Variants in SETDB2 observed in about 807,000 individuals in gnomAD.
SETDB2 encodes histone-lysine N-methyltransferase SETDB2.
SETDB2 carries 56 observed loss-of-function variants against 82.5 expected under a neutral mutation model. That is an observed-to-expected ratio of 0.68 (90% CI 0.55 to 0.85). The LOEUF is 0.85. SETDB2 is among the 40% of genes least tolerant of loss of function. The pLI, the probability that SETDB2 is intolerant of heterozygous loss-of-function variation, is 0.00. For missense variants in SETDB2, 677 were observed against 816.4 expected (o/e 0.83, Z 2.08); for synonymous variants, 272 against 284.9 (o/e 0.95, Z 0.46).
intron 2 of SETDB2, 113 bp from the exon 3 acceptor site, chr13:49,459,994 A>G: frequency 9.8e-7 from 1 of 1,018,538 alleles, no homozygotes; most frequent in Non-Finnish European, 1.4e-6. Flanking sequence ...ATGATAGACC[A>G]GATGAGTCTT....
chr13:49,491,880 G>A lies in SETDB2; in HGVS notation c.*31G>A. ...TAACTAACGCCTGTTTGTGAAATTA[G>A]CTTATCAGGCTGAAATTAAAGCCAT... is the stretch of plus-strand genomic sequence containing the variant. On this transcript the variant is annotated 3_prime_UTR_variant, in exon 14 of 14. Transcript: ENST00000611815. The A allele has an allele frequency of 7.0e-7, 1 of 1,434,112 alleles. No individual in the cohort carries two copies. The allele number at this position is 1,434,112 out of a possible 1,614,324, so 88.8% of individuals were successfully genotyped here.
intron 5 of SETDB2, among the ~76,000 whole-genome samples, chr13:49,469,590 T>C (rs1047457504): frequency 3.3e-5 from 5 of 152,178 alleles, no homozygotes; most frequent in African/African-American, 1.2e-4. Context: ...CTAACCTTTC[T>C]ATATTTTCTG....
intron 11 of SETDB2, among the ~76,000 whole-genome samples, chr13:49,486,651 C>T (rs1347019219): frequency 3.3e-5 from 5 of 152,234 alleles, no homozygotes; most frequent in Non-Finnish European, 7.3e-5. Flanking sequence ...CCTGCAATTG[C>T]CTAGCCAATA....
rs1429959082 is a variant in SETDB2, at chr13:49,484,701, C to T, written c.1483-929C>T. Among the ~76,000 whole-genome samples, 7 of 152,234 alleles carry T rather than the reference C, an allele frequency of 4.6e-5. No individual in the cohort carries two copies. The South Asian group carries it at 8.3e-4, about 18-fold the overall frequency. On this transcript the variant is annotated intron_variant, in intron 10 of 13. Transcript: ENST00000611815. The stretch of plus-strand genomic sequence containing the variant: ...ACTAAAGATTAGTCAGAGACTGAAA[C>T]GTAGAAGCAGAGAAAGAGAAAAGAG...
chr13:49,482,313 A>C, intron 8 of SETDB2: 1 of 985,388 alleles, frequency 1.0e-6, no homozygotes, highest in Non-Finnish European at 1.2e-6. Flanking sequence ...ATATGACAAC[A>C]CTAAGAACAT....
intron 4 of SETDB2, among the ~76,000 whole-genome samples, chr13:49,463,165 C>T (rs1407433723): frequency 2.2e-5 from 2 of 92,796 alleles, no homozygotes; most frequent in East Asian, 7.7e-4. Context: ...GCCGCCACAC[C>T]CGGTGATTTT....
chr13:49,467,734 A>T (rs1278468033), intron 4 of SETDB2, 130 bp from the exon 5 acceptor site: 5 of 493,376 alleles, frequency 1.0e-5, no homozygotes, highest in Non-Finnish European at 1.7e-5. Flanking sequence ...CAATCTTGAA[A>T]CCTTACTATG....
In SETDB2 at chr13:49,482,908, C is replaced by G. The variant is rs537458561; in HGVS notation, c.1328C>G (p.Ala443Gly). Reference sequence around the variant, plus strand: ...GGATTGGAAACACATCCTAGAACTGCTAAAACTGAGAAATGTCCACCAAAG... The same window carrying G: ...GGATTGGAAACACATCCTAGAACTGGTAAAACTGAGAAATGTCCACCAAAG... ...PLGLETHPRT[A>G]KTEKCPPKFS... The change falls in exon 9 of 14, where the codon GCT becomes GGT. Residue 443 changes from alanine (A) to glycine (G), a missense_variant. Ala to Gly is a moderately conservative substitution (Grantham distance 60). Coordinates refer to ENST00000611815, the MANE Select transcript of SETDB2 (RefSeq NM_001160308.3). 1,927 of 1,613,260 alleles carry G rather than the reference C, an allele frequency of 1.2e-3. 39 individuals are homozygous for G. The South Asian group carries it at 0.02, about 17-fold the overall frequency.
At position 49,480,990 on chromosome 13, in the gene SETDB2, T is replaced by C; in HGVS notation, c.1030T>C (p.Cys344Arg). The C allele has an allele frequency of 6.2e-7, 1 of 1,614,190 alleles. No individual in the cohort carries two copies. Among genetic ancestry groups the C allele is most frequent in the Non-Finnish European group, 8.5e-7 (1 of 1,179,996 alleles). Residue 344 changes from cysteine (C) to arginine (R), a missense_variant, in exon 8 of 14, where the codon TGT (cysteine) becomes CGT (arginine). Transcript: ENST00000611815. Reference sequence around the variant, plus strand: ...TTTGTGCAAATGTAATCGACAATTGTGTCAAAACCGAGTTGTCCAACATGG... The same window carrying C: ...TTTGTGCAAATGTAATCGACAATTGCGTCAAAACCGAGTTGTCCAACATGG... ...SLLCKCNRQL[C>R]QNRVVQHGPQ...
At chr13:49,469,978 G>A (rs952490279) in intron 5 of SETDB2, among the ~76,000 whole-genome samples, 2 of 152,038 alleles carry the variant, frequency 1.3e-5, no homozygotes, top group African/African-American at 2.4e-5. Flanking sequence ...AGCTTTAGTT[G>A]TTTTTTGTTG....
chr13:49,474,728 G>A (rs948241264), intron 5 of SETDB2, among the ~76,000 whole-genome samples: 14 of 152,190 alleles, frequency 9.2e-5, no homozygotes, highest in Admixed American at 5.2e-4. Flanking sequence ...GTGGACTTAC[G>A]CAAAGGATTA....
At chr13:49,455,776 A>T (rs570393988) in intron 2 of SETDB2, among the ~76,000 whole-genome samples, 7 of 143,538 alleles carry the variant, frequency 4.9e-5, no homozygotes, top group South Asian at 2.2e-4. Flanking sequence ...GTTTTCATTT[A>T]AAAAAAAACA....
chr13:49,450,253 C>T (rs954497791), intron 1 of SETDB2, among the ~76,000 whole-genome samples: 1 of 152,058 alleles, frequency 6.6e-6, no homozygotes, highest in African/African-American at 2.4e-5. Flanking sequence ...ATTATTGCCT[C>T]CTCTCCATTT....
At chr13:49,488,173 C>A in intron 11 of SETDB2, 117 bp from the exon 12 acceptor site, 1 of 1,400,776 alleles carries the variant, frequency 7.1e-7, no homozygotes, top group Non-Finnish European at 9.4e-7. Context: ...TACTACCTGC[C>A]TAACACATTG....
chr13:49,483,702 C>T, intron 10 of SETDB2, 139 bp downstream of exon 10: 4 of 444,302 alleles, frequency 9.0e-6, no homozygotes, highest in African/African-American at 2.2e-5. Flanking sequence ...AGTCACAGCT[C>T]ACTGCAGCCA....
At chr13:49,477,907 G>C (rs1336719371) in intron 6 of SETDB2, among the ~76,000 whole-genome samples, 3 of 152,142 alleles carry the variant, frequency 2.0e-5, no homozygotes, top group Admixed American at 2.0e-4. Flanking sequence ...AACATCCCAT[G>C]AAAAAATGAA....
intron 2 of SETDB2, among the ~76,000 whole-genome samples, chr13:49,459,273 G>A (rs1207035192): frequency 2.0e-5 from 3 of 152,052 alleles, no homozygotes; most frequent in Non-Finnish European, 4.4e-5. Context: ...GGAGGTTCTG[G>A]GTTTAATTTG....
Position 49,476,529 on chromosome 13 carries a change from G to A in SETDB2, c.359G>A (p.Arg120Lys). 1 of 1,612,466 alleles carries A rather than the reference G, an allele frequency of 6.2e-7. No individual in the cohort carries two copies. Among genetic ancestry groups the A allele is most frequent in the Non-Finnish European group, 8.5e-7 (1 of 1,179,316 alleles). ...LSLEDKVVDF[R>K]EKDSSSNLSY... is the part of the protein sequence containing the mutation. ...CTTGAAGATAAAGTTGTAGACTTTAGAGAAAAAGACTCATCTTCGAATTTA... is the reference window on the plus strand; with the variant it reads ...CTTGAAGATAAAGTTGTAGACTTTAAAGAAAAAGACTCATCTTCGAATTTA... The change falls in exon 6 of 14, where the codon AGA becomes AAA. Residue 120 changes from arginine (R) to lysine (K), a missense_variant. Arg to Lys is a conservative substitution (Grantham distance 26). Transcript: ENST00000611815.
At chr13:49,451,033 C>A (rs923975337) in intron 1 of SETDB2, among the ~76,000 whole-genome samples, 6 of 150,994 alleles carry the variant, frequency 4.0e-5, no homozygotes, top group African/African-American at 1.5e-4. Context: ...TGTTATACAG[C>A]CAGTTGTATT....
Sources: allele counts gnomAD v4.1 joint callset (sites outside exome capture counted in the v4.1 genomes callset), GRCh38; gene constraint gnomAD v4.1.1; transcripts MANE v1.5; gene names NCBI Gene and HGNC (gene_info 2026-07-23, HGNC 2026-07-21).